Variants in MTOR observed in about 807,000 individuals in gnomAD.
MTOR encodes the protein serine/threonine-protein kinase mTOR.
Under a neutral mutation model 319.8 loss-of-function variants are expected in MTOR, and 70 were observed. That is an observed-to-expected ratio of 0.22 (90% CI 0.18 to 0.27). The LOEUF is 0.27. MTOR is among the 10% of genes least tolerant of loss of function. The probability of loss-of-function intolerance (pLI) is 1.00; values close to 1 mark genes in which losing one functional copy is unlikely to be tolerated. For missense variants in MTOR, 1,890 were observed against 3,274.4 expected (o/e 0.58, Z 10.32); for synonymous variants, 1,183 against 1,211.4 (o/e 0.98, Z 0.49).
At chr1:11,155,259 AAC>A (rs2100557912) in intron 30 of MTOR, among the ~76,000 whole-genome samples, 1 of 152,290 alleles carries the variant, frequency 6.6e-6, no homozygotes, top group Admixed American at 6.5e-5. Context: ...GCTGATATGG[AAC>A]AGTGGCCTAG....
intron 11 of MTOR, 149 bp downstream of exon 11, chr1:11,240,154 A>G (rs1647816704): frequency 9.2e-7 from 1 of 1,081,438 alleles, no homozygotes; most frequent in African/African-American, 1.6e-5. Flanking sequence ...CAATACGTGG[A>G]AAGAGTCTAG....
intron 29 of MTOR, among the ~76,000 whole-genome samples, chr1:11,162,321 T>C (rs1644502688): frequency 6.6e-6 from 1 of 152,204 alleles, no homozygotes; most frequent in South Asian, 2.1e-4. Flanking sequence ...TACCTGAAAG[T>C]GACGGGGAGT....
At chr1:11,156,906 G>A (rs1644336542) in intron 30 of MTOR, among the ~76,000 whole-genome samples, 1 of 152,202 alleles carries the variant, frequency 6.6e-6, no homozygotes, top group African/African-American at 2.4e-5. Context: ...GATCCCAGGA[G>A]CACCCCCAAG....
At position 11,133,738 on chromosome 1, in the gene MTOR, T is replaced by C. The variant is rs1478149377; in HGVS notation, c.5247-541A>G. Among the ~76,000 whole-genome samples the C allele has an allele frequency of 5.3e-5, 8 of 152,218 alleles. No individual in the cohort carries two copies. Among genetic ancestry groups the C allele is most frequent in the Non-Finnish European group, 4.4e-5 (3 of 68,038 alleles). ...ATTGGTAACTGAGGCATAGAGAGGT[T>C]AAGTCACTTCTCTGAAGTCAAATAT... On this transcript the variant is annotated intron_variant, in intron 37 of 57. Transcript: ENST00000361445. The surrounding 1 kb of genome is among the most constrained non-coding windows in gnomAD (Gnocchi z 4.0).
At chr1:11,208,385 G>T (rs1350518041) in intron 25 of MTOR, among the ~76,000 whole-genome samples, 1 of 152,258 alleles carries the variant, frequency 6.6e-6, no homozygotes, top group Non-Finnish European at 1.5e-5. Flanking sequence ...GCTCCGCAAA[G>T]CTGGGCGTGA....
At chr1:11,204,745 GGGCC>G in intron 25 of MTOR, 42 bp from the exon 26 acceptor site, 2 of 1,586,148 alleles carry the variant, frequency 1.3e-6, no homozygotes, top group Admixed American at 1.8e-5. Flanking sequence ...TCAGTTTCAA[GGGCC>G]AATTGAAAAA....
chr1:11,128,784 G>T lies in MTOR; in HGVS notation c.5811+71C>A. 7.5e-7 allele frequency: 1 copy of T among 1,325,138 alleles called. No individual in the cohort carries two copies. Among genetic ancestry groups the T allele is most frequent in the Non-Finnish European group, 1.1e-6 (1 of 927,778 alleles). The allele number at this position is 1,325,138 out of a possible 1,614,324, so 82.1% of individuals were successfully genotyped here. A position where few individuals can be genotyped will look rare whatever the true frequency, so the allele number is the denominator to read the frequency against. On this transcript the variant is annotated intron_variant, in intron 41 of 57. Transcript: ENST00000361445. The surrounding 1 kb of genome is among the most constrained non-coding windows in gnomAD (Gnocchi z 5.3). The stretch of plus-strand genomic sequence containing the variant: ...ACACTGCCTTGTGACACTGAACACA[G>T]CATGCTTGTAAGAGGAGACACACAG...
intron 19 of MTOR, among the ~76,000 whole-genome samples, 200 bp downstream of exon 19, chr1:11,228,468 T>C (rs765978220): frequency 6.6e-6 from 1 of 152,046 alleles, no homozygotes; most frequent in Non-Finnish European, 1.5e-5. Flanking sequence ...GGATTATAGG[T>C]GTGAGCCACT....
At position 11,228,852 on chromosome 1, in the gene MTOR, G is replaced by C; in HGVS notation, c.2846C>G (p.Ala949Gly). 6.2e-7 allele frequency: 1 copy of C among 1,614,190 alleles called. No homozygotes were observed. Among genetic ancestry groups the C allele is most frequent in the Non-Finnish European group, 8.5e-7 (1 of 1,180,030 alleles). The change falls in exon 19 of 58, where the codon GCT (alanine) becomes GGT (glycine). Residue 949 changes from alanine (A) to glycine (G), a missense_variant. Ala to Gly is a moderately conservative substitution (Grantham distance 60). This residue lies in a region of MTOR where 377 missense variants were observed against 653.9 expected (regional missense o/e 0.58). Coordinates refer to ENST00000361445, the MANE Select transcript of MTOR (RefSeq NM_004958.4). Reference sequence around the variant, plus strand: ...CCGCATCAGGGCCACCATGGACACAGCTGGGTAGAACTCATCCAGAGGCAA... The same window carrying C: ...CCGCATCAGGGCCACCATGGACACACCTGGGTAGAACTCATCCAGAGGCAA... The part of the protein sequence containing the change: ...GNLPLDEFYP[A>G]VSMVALMRIF...
intron 11 of MTOR, 108 bp from the exon 12 acceptor site, chr1:11,238,725 C>A: frequency 3.4e-6 from 3 of 876,106 alleles, no homozygotes; most frequent in Non-Finnish European, 5.3e-6. Flanking sequence ...ATTCTACTTT[C>A]AACTAGATAT....
chr1:11,188,569 G>T (rs955983128), intron 28 of MTOR, among the ~76,000 whole-genome samples: 5 of 152,192 alleles, frequency 3.3e-5, no homozygotes, highest in Non-Finnish European at 5.9e-5. Flanking sequence ...CAGAAGCATG[G>T]GTGACCAATC....
At chr1:11,191,218 A>G (rs1372747194) in intron 28 of MTOR, among the ~76,000 whole-genome samples, 4 of 152,132 alleles carry the variant, frequency 2.6e-5, no homozygotes, top group African/African-American at 9.7e-5. Flanking sequence ...CTTGCCCAGG[A>G]CATCATTCCT....
chr1:11,147,157 TTAC>T (rs1364229051), intron 31 of MTOR, among the ~76,000 whole-genome samples: 2 of 152,244 alleles, frequency 1.3e-5, no homozygotes, highest in Admixed American at 1.3e-4. Context: ...GCTTTCTTCC[TTAC>T]TACTGAGACA....
In MTOR at chr1:11,213,045, T is replaced by C; in HGVS notation, c.3286-137A>G. ...CTTTATTAAATGGCCTTGAACTATA[T>C]CCTTTTGATAGCACTTTCTTCCCCT... On this transcript the variant is annotated intron_variant, in intron 21 of 57. Transcript: ENST00000361445. The C allele has an allele frequency of 3.1e-6, 2 of 646,948 alleles. 1 individual carries two copies. The highest frequency in any genetic ancestry group is 4.3e-5 in the South Asian group (2 of 46,356). 40.1% of individuals were successfully genotyped at this position (646,948 alleles called of 1,614,324 possible). A position where few individuals can be genotyped will look rare whatever the true frequency, so the allele number is the denominator to read the frequency against.
At chr1:11,145,150 C>T (rs1447953507) in intron 32 of MTOR, 105 bp from the exon 33 acceptor site, 1 of 982,640 alleles carries the variant, frequency 1.0e-6, no homozygotes, top group African/African-American at 1.6e-5. Flanking sequence ...ACTTAAATTC[C>T]AGGGATGAAA....
At position 11,219,831 on chromosome 1, in the gene MTOR, C is replaced by T. The variant is rs148667257; in HGVS notation, c.3031-3597G>A. 7.0e-3 allele frequency among the ~76,000 whole-genome samples: 1,064 copies of T among 151,756 alleles called. 12 individuals are homozygous for T. Among genetic ancestry groups the T allele is most frequent in the African/African-American group, 0.024 (976 of 41,416 alleles). ...TTGAGGACAGGAGTTCAAGACCAGC[C>T]TGGGCAACATGGTAAAACCCTGTCT... On this transcript the variant is annotated intron_variant, in intron 19 of 57. Coordinates refer to ENST00000361445, the MANE Select transcript of MTOR (RefSeq NM_004958.4).
intron 28 of MTOR, among the ~76,000 whole-genome samples, chr1:11,198,057 T>C (rs1464107770): frequency 6.6e-6 from 1 of 152,196 alleles, no homozygotes; most frequent in East Asian, 1.9e-4. Context: ...AGGTTTCAAA[T>C]AGGTCTCAAA....
rs199735358 is a variant in MTOR at position 11,195,000 on chromosome 1, C to T, written c.4253+4258G>A. The T allele has an allele frequency of 1.7e-5, 28 of 1,613,672 alleles. No individual in the cohort carries two copies. The highest frequency in any genetic ancestry group is 4.5e-5 in the East Asian group (2 of 44,874). ...CCTCAAACGGGTGGAGATGAAAATCCGCCCAGAAGACTTCAAGCCTTAAAA... is the reference window on the plus strand; with the variant it reads ...CCTCAAACGGGTGGAGATGAAAATCTGCCCAGAAGACTTCAAGCCTTAAAA... On this transcript the variant is annotated intron_variant, in intron 28 of 57. Transcript: ENST00000361445.
chr1:11,142,915 A>G (rs554491916), intron 34 of MTOR, among the ~76,000 whole-genome samples: 114 of 152,284 alleles, frequency 7.5e-4, no homozygotes, highest in African/African-American at 2.5e-3. Flanking sequence ...TTCCACTACT[A>G]TAATACTGGT....
Sources: gnomAD v4.1 joint callset for allele counts (sites outside exome capture counted in the v4.1 genomes callset) on GRCh38, gnomAD v4.1.1 for gene constraint, gnomAD v4.1.1 regional missense constraint, Gnocchi (gnomAD v3.1) non-coding constraint, MANE v1.5 for transcripts, NCBI Gene and HGNC (gene_info 2026-07-23, HGNC 2026-07-21) for gene names.